The following PLCG2 variants were observed in gnomAD, a reference collection of about 807,000 sequenced individuals.
PLCG2 encodes phospholipase C gamma 2, also known as 1-phosphatidylinositol 4,5-bisphosphate phosphodiesterase gamma-2.
A neutral mutation model predicts 175.6 loss-of-function variants in PLCG2; 69 were observed. The observed-to-expected ratio is 0.39, with a 90% CI of 0.32 to 0.48. PLCG2 has a LOEUF of 0.48. Among genes scored for constraint, PLCG2 ranks in the 20% least tolerant of loss-of-function variants. The probability of loss-of-function intolerance (pLI) is 0.91; values close to 1 mark genes in which losing one functional copy is unlikely to be tolerated. For missense variants in PLCG2, 1,798 were observed against 1,650.9 expected (o/e 1.09, Z -1.54); for synonymous variants, 827 against 624.0 (o/e 1.33, Z -4.85).
intron 2 of PLCG2, 54 bp from the exon 3 acceptor site, chr16:81,854,390 C>A: frequency 1.3e-6 from 2 of 1,555,826 alleles, no homozygotes; most frequent in Non-Finnish European, 8.9e-7. Flanking sequence ...GTGGCTGCAT[C>A]CTCAGGTGGA....
chr16:81,826,445 A>G (rs76574841), intron 2 of PLCG2, among the ~76,000 whole-genome samples: 13,111 of 152,306 alleles, frequency 0.086, 652 homozygotes, highest in Middle Eastern at 0.14. Context: ...CCTTGAGGTC[A>G]AAGTGCTCGA....
At chr16:81,939,198 C>T (rs1197379977) in intron 29 of PLCG2, among the ~76,000 whole-genome samples, 6 of 152,120 alleles carry the variant, frequency 3.9e-5, no homozygotes, top group Admixed American at 6.5e-5. Context: ...ACAGCCCAAT[C>T]TGATTAATCT....
At chr16:81,872,989 A>G (rs1907591783) in intron 7 of PLCG2, among the ~76,000 whole-genome samples, 1 of 152,218 alleles carries the variant, frequency 6.6e-6, no homozygotes, top group Admixed American at 6.5e-5. Context: ...GAGTTAGAGA[A>G]ATGGGAGGGC....
intron 2 of PLCG2, among the ~76,000 whole-genome samples, chr16:81,839,300 A>T (rs1952369256): frequency 6.6e-6 from 1 of 152,158 alleles, no homozygotes. Context: ...AGTTTGAGAA[A>T]TAATGTCATA....
intron 2 of PLCG2, among the ~76,000 whole-genome samples, chr16:81,850,815 T>C (rs570039580): frequency 5.9e-5 from 9 of 152,316 alleles, no homozygotes; most frequent in African/African-American, 1.7e-4. Context: ...TTTAGTATTA[T>C]AATGCAGCCA....
intron 2 of PLCG2, among the ~76,000 whole-genome samples, chr16:81,800,813 A>G (rs535347890): frequency 5.9e-5 from 9 of 152,106 alleles, no homozygotes; most frequent in Non-Finnish European, 8.8e-5. Context: ...TGCAGATTGA[A>G]CAGATCTTGA....
chr16:81,940,200 A>G (rs12923387), intron 30 of PLCG2, 141 bp downstream of exon 30: 1 of 696,896 alleles, frequency 1.4e-6, no homozygotes. Flanking sequence ...CTTGGAGAGC[A>G]GGTGTACAGC....
intron 30 of PLCG2, among the ~76,000 whole-genome samples, chr16:81,943,388 G>C (rs1911029670): frequency 6.6e-6 from 1 of 152,126 alleles, no homozygotes; most frequent in African/African-American, 2.4e-5. Context: ...AGTGAAGGGG[G>C]AGGTACTACA....
intron 2 of PLCG2, among the ~76,000 whole-genome samples, chr16:81,761,255 C>G (rs1284462827): frequency 6.6e-6 from 1 of 152,032 alleles, no homozygotes; most frequent in Non-Finnish European, 1.5e-5. Context: ...GTCCTAGCTA[C>G]TCAGAAGGCT....
At chr16:81,753,791 T>G (rs192637903) in intron 1 of PLCG2, among the ~76,000 whole-genome samples, 1 of 152,176 alleles carries the variant, frequency 6.6e-6, no homozygotes, top group East Asian at 1.9e-4. Flanking sequence ...GCCATGACTG[T>G]AGGATGGGGA....
chr16:81,925,007 C>T (rs1165362230), intron 22 of PLCG2, among the ~76,000 whole-genome samples: 3 of 152,248 alleles, frequency 2.0e-5, no homozygotes, highest in Non-Finnish European at 4.4e-5. Flanking sequence ...TCCTGGTGCG[C>T]ACTGGGTGGG....
Position 81,939,247 on chromosome 16 carries a change from G to C in PLCG2, c.3313+332G>C, listed in dbSNP as rs182197892. On this transcript the variant is annotated intron_variant, in intron 29 of 32. Transcript: ENST00000564138. ...CCAAGAGGCAGAGACACAGAGAGAG[G>C]GGGTGAACCTACGTGGCTGACCTGA... is the stretch of plus-strand genomic sequence containing the variant. Among the ~76,000 whole-genome samples, 4 of 152,226 alleles carry C rather than the reference G, an allele frequency of 2.6e-5. No homozygotes were observed. The East Asian group carries it at 5.8e-4, about 22-fold the overall frequency.
intron 4 of PLCG2, among the ~76,000 whole-genome samples, 160 bp downstream of exon 4, chr16:81,858,516 G>A (rs1906802612): frequency 6.6e-6 from 1 of 152,132 alleles, no homozygotes; most frequent in Non-Finnish European, 1.5e-5. Context: ...TAGCGGTGTG[G>A]GCTCTACAGT....
chr16:81,859,198 GA>G, intron 5 of PLCG2, 35 bp downstream of exon 5: 1 of 1,407,396 alleles, frequency 7.1e-7, no homozygotes, highest in Non-Finnish European at 1.0e-6. Context: ...GATCACTTTG[GA>G]TTTCGATCCT....
chr16:81,874,903 C>G (rs1354441556), intron 7 of PLCG2, among the ~76,000 whole-genome samples: 1 of 149,280 alleles, frequency 6.7e-6, no homozygotes, highest in Non-Finnish European at 1.5e-5. Flanking sequence ...AAGATGATAG[C>G]CAACATTTTC....
chr16:81,857,269 C>G lies in PLCG2; in HGVS notation c.338-994C>G, dbSNP rs771018051. On this transcript the variant is annotated intron_variant, in intron 3 of 32. Coordinates refer to ENST00000564138, the MANE Select transcript of PLCG2 (RefSeq NM_002661.5). The stretch of plus-strand genomic sequence containing the variant: ...GGTTTTGAAAAGCCTTCAAGTGATT[C>G]TCCTGAGCAGCTGGGGTTGAGAAAC... Among the ~76,000 whole-genome samples, 3 of 152,124 alleles carry G rather than the reference C, an allele frequency of 2.0e-5. No individual in the cohort carries two copies. In the East Asian group the frequency reaches 5.8e-4, roughly 29 times the overall value.
chr16:81,951,513 T>C (rs550722007), intron 31 of PLCG2, among the ~76,000 whole-genome samples: 1 of 152,352 alleles, frequency 6.6e-6, no homozygotes, highest in South Asian at 2.1e-4. Context: ...TTAAATAACG[T>C]AATTCCAATT....
chr16:81,944,459 C>T (rs62044949), intron 30 of PLCG2, among the ~76,000 whole-genome samples: 23,941 of 151,950 alleles, frequency 0.16, 2,246 homozygotes, highest in South Asian at 0.28. Context: ...GCAAATACTA[C>T]GCCACTGAAT....
rs1420109684 is a variant in PLCG2, at chr16:81,961,480, C to G, written c.*3482C>G. The G allele has an allele frequency of 4.5e-6, 1 of 224,052 alleles. No individual in the cohort carries two copies. The highest frequency in any genetic ancestry group is 8.9e-6 in the Non-Finnish European group (1 of 112,582). 13.9% of individuals were successfully genotyped at this position (224,052 alleles called of 1,614,324 possible). On this transcript the variant is annotated 3_prime_UTR_variant, in exon 33 of 33. Coordinates refer to ENST00000564138, the MANE Select transcript of PLCG2 (RefSeq NM_002661.5). ...GAGGAAAATTTTAAAGGCTTACAGC[C>G]TTAGGATTATAGGATACTATATAAT...
Sources: gnomAD v4.1 joint callset for allele counts (sites outside exome capture counted in the v4.1 genomes callset) on GRCh38, gnomAD v4.1.1 for gene constraint, MANE v1.5 for transcripts, NCBI Gene and HGNC (gene_info 2026-07-23, HGNC 2026-07-21) for gene names.